Variants in CELF6 observed in about 807,000 individuals in gnomAD.
CELF6 encodes the protein CUGBP Elav-like family member 6.
In CELF6, 32 loss-of-function variants were observed where a neutral mutation model predicts 53.1. That is an observed-to-expected ratio of 0.60 (90% CI 0.46 to 0.81). The LOEUF (loss-of-function observed/expected upper bound fraction) is 0.81, where lower values mean the gene tolerates loss of function less well. Ranked by LOEUF, CELF6 falls within the 30% of genes least tolerant of loss-of-function variation. CELF6 has a pLI of 0.00. For missense variants in CELF6, 539 were observed against 669.5 expected, an observed-to-expected ratio of 0.81 and a Z score of 2.15; for synonymous variants, 291 against 288.8, an observed-to-expected ratio of 1.01 and a Z score of -0.08.
intron 3 of CELF6, among the ~76,000 whole-genome samples, chr15:72,303,995 C>T (rs190451210): frequency 3.3e-5 from 5 of 152,158 alleles, no homozygotes; most frequent in South Asian, 4.1e-4. Flanking sequence ...CCTCAGCCTC[C>T]GAGTAGCTGG....
intron 3 of CELF6, among the ~76,000 whole-genome samples, chr15:72,300,685 T>G (rs111518985): frequency 0.048 from 7,349 of 152,148 alleles, 524 homozygotes; most frequent in African/African-American, 0.15. Context: ...AATACAAAAA[T>G]TAGCTGGGCG....
intron 2 of CELF6, chr15:72,306,138 C>A: frequency 2.0e-6 from 2 of 983,470 alleles, no homozygotes; most frequent in Non-Finnish European, 2.4e-6. Context: ...ATCCCCATCT[C>A]ACCTTCCTCT....
intron 3 of CELF6, among the ~76,000 whole-genome samples, chr15:72,299,069 G>A (rs2088115956): frequency 6.6e-6 from 1 of 151,918 alleles, no homozygotes; most frequent in African/African-American, 2.4e-5. Context: ...TTGGCAGGGT[G>A]CGGTAGCAGG....
rs1567276442 is a variant in CELF6, at chr15:72,287,321, T to C, written c.1390A>G (p.Met464Val). The C allele has an allele frequency of 6.2e-7, 1 of 1,614,222 alleles. No individual in the cohort carries two copies. Among genetic ancestry groups the C allele is most frequent in the Non-Finnish European group, 8.5e-7 (1 of 1,180,026 alleles). Residue 464 changes from methionine (M) to valine (V), a missense_variant, in exon 12 of 13, where the codon ATG becomes GTG. Around this residue, in one of 3 missense-constraint regions of CELF6, gnomAD observed 358 missense variants for 412.8 expected, o/e 0.87. Transcript: ENST00000287202. The part of the protein sequence containing the change: ...IQAMNGFQIG[M>V]KRLKVQLKRP... Reference sequence around the variant, plus strand: ...TTTAGCTGGACCTTGAGCCTCTTCATGCCAATTTGAAAGCCATTCATCGCC... The same window carrying C: ...TTTAGCTGGACCTTGAGCCTCTTCACGCCAATTTGAAAGCCATTCATCGCC...
At chr15:72,301,734 ATTTTT>A (rs34705032) in intron 3 of CELF6, among the ~76,000 whole-genome samples, 1 of 125,866 alleles carries the variant, frequency 7.9e-6, no homozygotes, top group Admixed American at 8.8e-5. Flanking sequence ...TAAAAAGTTG[ATTTTT>A]TTTTTTTTTT....
intron 1 of CELF6, 73 bp from the exon 2 acceptor site, chr15:72,316,000 G>GT: frequency 2.9e-6 from 3 of 1,028,606 alleles, no homozygotes; most frequent in Non-Finnish European, 2.9e-6. Flanking sequence ...ACCCCACTAA[G>GT]TTGACAAACT....
chr15:72,293,485 T>C (rs552029014), intron 3 of CELF6, among the ~76,000 whole-genome samples: 1 of 152,300 alleles, frequency 6.6e-6, no homozygotes, highest in Admixed American at 6.5e-5. Context: ...AAGTCAGAAA[T>C]GTCTGAATAA....
intron 3 of CELF6, among the ~76,000 whole-genome samples, chr15:72,299,742 C>T (rs1007193966): frequency 1.3e-5 from 2 of 152,148 alleles, no homozygotes; most frequent in African/African-American, 4.8e-5. Context: ...ATGCATTTTC[C>T]TTTAATAGTG....
In CELF6 at chr15:72,287,397, A is replaced by G; in HGVS notation, c.1319-5T>C. On this transcript the variant is annotated splice_polypyrimidine_tract_variant and splice_region_variant and intron_variant, in intron 11 of 12. Coordinates refer to ENST00000287202, the MANE Select transcript of CELF6 (RefSeq NM_052840.5). ...GATTGTCAAAACTAACAAACCCTGGAGGGTGTGGGCAAAGAGATTAGCTGG... is the reference window on the plus strand; with the variant it reads ...GATTGTCAAAACTAACAAACCCTGGGGGGTGTGGGCAAAGAGATTAGCTGG... 6.2e-7 allele frequency: 1 copy of G among 1,613,914 alleles called. No homozygotes were observed. The highest frequency in any genetic ancestry group is 8.5e-7 in the Non-Finnish European group (1 of 1,179,856).
Position 72,287,256 on chromosome 15 carries a change from G to A in CELF6, c.*9C>T, listed in dbSNP as rs370681265. 21 of 1,613,386 alleles carry A rather than the reference G, an allele frequency of 1.3e-5. No individual in the cohort carries two copies. On this transcript the variant is annotated 3_prime_UTR_variant, in exon 12 of 13. Transcript: ENST00000287202. Reference sequence around the variant, plus strand: ...ACTCACCTTTCTGTGGCTGGTCAGTGAAAGCAGGTCAGTAAGGCCGGTTGG... The same window carrying A: ...ACTCACCTTTCTGTGGCTGGTCAGTAAAAGCAGGTCAGTAAGGCCGGTTGG...
At chr15:72,311,994 T>A (rs906463081) in intron 2 of CELF6, among the ~76,000 whole-genome samples, 1 of 152,182 alleles carries the variant, frequency 6.6e-6, no homozygotes, top group South Asian at 2.1e-4. Flanking sequence ...CTCAGTAACA[T>A]CTGCCTTCTT....
rs376818741 is a variant in CELF6 at position 72,290,349 on chromosome 15, C to T, written c.395-94G>A. 1.5e-3 allele frequency: 2,107 copies of T among 1,449,136 alleles called. 44 individuals carry two copies. In the South Asian group the frequency reaches 0.025, roughly 17 times the overall value. The allele number at this position is 1,449,136 out of a possible 1,614,324, so 89.8% of individuals were successfully genotyped here. A position where few individuals can be genotyped will look rare whatever the true frequency, so the allele number is the denominator to read the frequency against. ...ACTTAGGAAGGCAGCTCACCAGTCT[C>T]ACTCTGGGAAGCAGAGGGAGTGAGA... On this transcript the variant is annotated intron_variant, in intron 3 of 12. Coordinates refer to ENST00000287202, the MANE Select transcript of CELF6 (RefSeq NM_052840.5).
chr15:72,308,609 C>T (rs2088259597), intron 2 of CELF6, among the ~76,000 whole-genome samples: 1 of 152,166 alleles, frequency 6.6e-6, no homozygotes, highest in South Asian at 2.1e-4. Flanking sequence ...GTGAAAACCG[C>T]ATCAAGGAAT....
chr15:72,311,694 A>T (rs2959921), intron 2 of CELF6, among the ~76,000 whole-genome samples: 138 of 152,236 alleles, frequency 9.1e-4, no homozygotes, highest in African/African-American at 2.9e-3. Context: ...GAGCCACTGC[A>T]CCCGGCCAAT....
chr15:72,304,598 C>T, intron 3 of CELF6, 148 bp downstream of exon 3: 4 of 687,368 alleles, frequency 5.8e-6, no homozygotes, highest in Non-Finnish European at 5.1e-6. Flanking sequence ...GAAGGCTGAG[C>T]TATTTCTGGG....
At chr15:72,311,247 C>T (rs1380822626) in intron 2 of CELF6, among the ~76,000 whole-genome samples, 1 of 150,972 alleles carries the variant, frequency 6.6e-6, no homozygotes, top group African/African-American at 2.4e-5. Flanking sequence ...GTGATCCGCC[C>T]GCCTCAGCCT....
chr15:72,305,042 G>T (rs924573989), intron 2 of CELF6, among the ~76,000 whole-genome samples: 1 of 152,168 alleles, frequency 6.6e-6, no homozygotes, highest in Non-Finnish European at 1.5e-5. Context: ...GGAATGAAGC[G>T]GCTAAAGAGA....
At chr15:72,300,774 C>T (rs570570124) in intron 3 of CELF6, among the ~76,000 whole-genome samples, 1 of 151,590 alleles carries the variant, frequency 6.6e-6, no homozygotes, top group African/African-American at 2.4e-5. Context: ...GCAGAGGTTG[C>T]GTTGAGTGGA....
At chr15:72,291,022 C>T (rs894613525) in intron 3 of CELF6, among the ~76,000 whole-genome samples, 6 of 152,290 alleles carry the variant, frequency 3.9e-5, no homozygotes, top group Middle Eastern at 3.4e-3. Flanking sequence ...CTTCTAGTGC[C>T]CTGTCTGTAT....
Sources: gnomAD v4.1 joint callset for allele counts (sites outside exome capture counted in the v4.1 genomes callset) on GRCh38, gnomAD v4.1.1 for gene constraint, gnomAD v4.1.1 regional missense constraint, MANE v1.5 for transcripts, NCBI Gene and HGNC (gene_info 2026-07-23, HGNC 2026-07-21) for gene names.